The following AKAP9 variants were observed in gnomAD, a reference collection of about 807,000 sequenced individuals.
The protein encoded by AKAP9 is A-kinase anchor protein 9.
Under a neutral mutation model 488.5 loss-of-function variants are expected in AKAP9, and 311 were observed. The ratio of observed to expected loss-of-function variants is 0.64; its 90% CI spans 0.58 to 0.70. The LOEUF (loss-of-function observed/expected upper bound fraction) is 0.70, where lower values mean the gene tolerates loss of function less well. Among genes scored for constraint, AKAP9 ranks in the 30% least tolerant of loss-of-function variants. The pLI is 0.00. For missense variants in AKAP9, 4,215 were observed against 4,374.5 expected (o/e 0.96, Z 1.03); for synonymous variants, 1,462 against 1,483.5 (o/e 0.99, Z 0.33).
At chr7:91,990,782 G>A (rs7808587) in intron 3 of AKAP9, among the ~76,000 whole-genome samples, 86,747 of 152,058 alleles carry the variant, frequency 0.57, 26,037 homozygotes, top group African/African-American at 0.77. Context: ...TCATTGCTTT[G>A]TATCATATTT....
In AKAP9 at chr7:92,083,411, A is replaced by G; in HGVS notation, c.8402A>G (p.Asn2801Ser). ...SNQTPQILVKNAGIQINLQSE... is the reference protein window; with the variant it reads ...SNQTPQILVKSAGIQINLQSE... The stretch of plus-strand genomic sequence containing the variant: ...CAGACTCCACAAATTCTTGTTAAAA[A>G]TGCAGGAATACAAATTAATTTACAG... The change falls in exon 33 of 50, where the codon AAT (asparagine) becomes AGT (serine). Residue 2801 changes from asparagine to serine, a missense_variant. Physicochemically the swap from Asn to Ser is conservative, Grantham distance 46 (BLOSUM62 1). This residue lies in a region of AKAP9 where 1,476 missense variants were observed against 1,477.4 expected (regional missense o/e 1.00). Transcript: ENST00000356239. 6.2e-7 allele frequency: 1 copy of G among 1,614,076 alleles called. No individual in the cohort carries two copies. The highest frequency in any genetic ancestry group is 8.5e-7 in the Non-Finnish European group (1 of 1,180,016).
chr7:91,990,297 C>G (rs1797598616), intron 3 of AKAP9, among the ~76,000 whole-genome samples: 1 of 151,826 alleles, frequency 6.6e-6, no homozygotes, highest in South Asian at 2.1e-4. Flanking sequence ...AATACTCTAC[C>G]CTTTAGTTAT....
In AKAP9 at chr7:92,108,558, G is replaced by A. The variant is rs376870775; in HGVS notation, c.11611G>A (p.Asp3871Asn). 28 of 1,613,916 alleles carry A rather than the reference G, an allele frequency of 1.7e-5. No homozygotes were observed. The Admixed American group carries it at 2.0e-4, about 12-fold the overall frequency. The change falls in exon 49 of 50, where the codon GAT (aspartate) becomes AAT (asparagine). Residue 3871 changes from aspartate to asparagine, a missense_variant. Asp to Asn is a conservative substitution (Grantham distance 23). This residue lies in a region of AKAP9 where 253 missense variants were observed against 266.8 expected (regional missense o/e 0.95). Coordinates refer to ENST00000356239, the MANE Select transcript of AKAP9 (RefSeq NM_005751.5). ...SLACSQLQNY[D>N]PDRALTDYIT... ...AGCATGTTCTCAGCTTCAGAATTAC[G>A]ATCCTGACAGAGCCCTAACAGATTA... is the stretch of plus-strand genomic sequence containing the variant.
At chr7:92,026,756 C>T (rs1425858093) in intron 14 of AKAP9, among the ~76,000 whole-genome samples, 7 of 152,140 alleles carry the variant, frequency 4.6e-5, no homozygotes, top group African/African-American at 7.2e-5. Context: ...GCCACCACCC[C>T]GTCTAGGAAG....
chr7:92,061,246 C>G lies in AKAP9; in HGVS notation c.5602-14C>G, dbSNP rs1809727975. 1 of 1,610,614 alleles carries G rather than the reference C, an allele frequency of 6.2e-7. No homozygotes were observed. The highest frequency in any genetic ancestry group is 1.1e-5 in the South Asian group (1 of 90,990). Reference sequence around the variant, plus strand: ...CTTTATTTTCTTTTATGTATTGTTTCCCTCTTTGTTTAGCTTGAACATGCG... The same window carrying G: ...CTTTATTTTCTTTTATGTATTGTTTGCCTCTTTGTTTAGCTTGAACATGCG... On this transcript the variant is annotated splice_polypyrimidine_tract_variant and intron_variant, in intron 22 of 49. Coordinates refer to ENST00000356239, the MANE Select transcript of AKAP9 (RefSeq NM_005751.5).
intron 12 of AKAP9, among the ~76,000 whole-genome samples, chr7:92,021,850 G>T (rs556606519): frequency 6.6e-6 from 1 of 152,232 alleles, no homozygotes; most frequent in African/African-American, 2.4e-5. Flanking sequence ...TATATCTAGA[G>T]ATAAACAAGC....
intron 1 of AKAP9, among the ~76,000 whole-genome samples, chr7:91,955,932 C>A (rs917746974): frequency 1.3e-5 from 2 of 152,248 alleles, no homozygotes; most frequent in East Asian, 3.9e-4. Flanking sequence ...TGCACCCAAC[C>A]GCCTTGAATT....
intron 30 of AKAP9, among the ~76,000 whole-genome samples, chr7:92,078,730 A>G (rs1371228274): frequency 1.3e-5 from 2 of 152,152 alleles, no homozygotes; most frequent in African/African-American, 4.8e-5. Context: ...ATAAATTATA[A>G]TATTTAATAT....
chr7:92,067,988 TAAAAG>T (rs372631720), intron 26 of AKAP9, among the ~76,000 whole-genome samples: 288 of 152,206 alleles, frequency 1.9e-3, no homozygotes, highest in African/African-American at 6.4e-3. Flanking sequence ...TCATTTCTCT[TAAAAG>T]AAAGCCGAAG....
chr7:92,062,153 T>C (rs989360685), intron 23 of AKAP9, 121 bp from the exon 24 acceptor site: 4 of 861,520 alleles, frequency 4.6e-6, no homozygotes, highest in Non-Finnish European at 7.4e-6. Context: ...TTCAAGACTT[T>C]TAATAGGTTG....
chr7:91,946,209 G>C (rs1791437044), intron 1 of AKAP9, among the ~76,000 whole-genome samples: 1 of 152,158 alleles, frequency 6.6e-6, no homozygotes, highest in Non-Finnish European at 1.5e-5. Context: ...GCATATTTCA[G>C]ATACTTTGTT....
chr7:91,955,423 A>G (rs1264317442), intron 1 of AKAP9, among the ~76,000 whole-genome samples: 1 of 152,056 alleles, frequency 6.6e-6, no homozygotes, highest in Non-Finnish European at 1.5e-5. Flanking sequence ...ACCCCTCACC[A>G]CTTGAGGTAC....
chr7:92,093,390 T>C, intron 39 of AKAP9, 74 bp downstream of exon 39: 1 of 1,278,266 alleles, frequency 7.8e-7, no homozygotes, highest in Non-Finnish European at 1.1e-6. Flanking sequence ...TGTGCAAATA[T>C]AGAGAAATGT....
chr7:92,064,201 G>A (rs939460569), intron 24 of AKAP9, among the ~76,000 whole-genome samples: 4 of 152,046 alleles, frequency 2.6e-5, no homozygotes, highest in African/African-American at 7.2e-5. Context: ...AAGGATCAGT[G>A]AAATTTAATA....
intron 21 of AKAP9, among the ~76,000 whole-genome samples, chr7:92,047,091 A>C (rs1807130705): frequency 6.6e-6 from 1 of 152,156 alleles, no homozygotes. Context: ...ATTTATGTTC[A>C]TTTTCCATGA....
intron 21 of AKAP9, among the ~76,000 whole-genome samples, chr7:92,047,174 C>T (rs1807145204): frequency 6.6e-6 from 1 of 152,156 alleles, no homozygotes; most frequent in African/African-American, 2.4e-5. Flanking sequence ...TCTTCCAACA[C>T]ACATGAAATA....
chr7:92,090,865 T>G (rs1815425668), intron 38 of AKAP9, among the ~76,000 whole-genome samples: 1 of 152,226 alleles, frequency 6.6e-6, no homozygotes. Context: ...ATGATTTTCC[T>G]ACATAGTCAT....
chr7:92,053,048 G>T (rs1808253676), intron 22 of AKAP9, 90 bp downstream of exon 22: 2 of 1,119,336 alleles, frequency 1.8e-6, no homozygotes, highest in East Asian at 5.1e-5. Context: ...ATATTTTCAT[G>T]GATAGCTGTT....
intron 22 of AKAP9, among the ~76,000 whole-genome samples, chr7:92,055,095 T>C (rs1044602939): frequency 2.6e-5 from 4 of 152,066 alleles, no homozygotes; most frequent in Non-Finnish European, 5.9e-5. Context: ...GAGATTCTGC[T>C]AGGCCTTGGA....
Sources: allele counts gnomAD v4.1 joint callset (sites outside exome capture counted in the v4.1 genomes callset), GRCh38; gene constraint gnomAD v4.1.1; regional missense constraint gnomAD v4.1.1; transcripts MANE v1.5; gene names NCBI Gene and HGNC (gene_info 2026-07-23, HGNC 2026-07-21).